EVL: variants seen among roughly 807,000 people sequenced by gnomAD.
EVL encodes the protein ena/VASP-like protein.
In EVL, 21 loss-of-function variants were observed where a neutral mutation model predicts 59.6. The observed-to-expected ratio is 0.35, with a 90% CI of 0.25 to 0.51. The LOEUF is 0.51. EVL is among the 20% of genes least tolerant of loss of function. The pLI is 0.97. For missense variants in EVL, 462 were observed against 546.6 expected, an observed-to-expected ratio of 0.85 and a Z score of 1.54; for synonymous variants, 198 against 203.5, an observed-to-expected ratio of 0.97 and a Z score of 0.23.
At chr14:100,143,079 G>A (rs1224301391) in intron 13 of EVL, among the ~76,000 whole-genome samples, 1 of 152,184 alleles carries the variant, frequency 6.6e-6, no homozygotes. Flanking sequence ...GGGGGAGTCC[G>A]GGAGGGGATG....
rs534651185 is a variant in EVL at position 100,114,014 on chromosome 14, C to T, written c.359-9525C>T. On this transcript the variant is annotated intron_variant, in intron 3 of 13. Coordinates refer to ENST00000392920, the MANE Select transcript of EVL (RefSeq NM_016337.3). This position sits in a 1 kb window ranked among gnomAD's most constrained non-coding sequence, Gnocchi z 5.0. ...CTGTAAGCAGACTCAGTGGGATAAGCGGAGGCAGAGAGGCCAGTTGGAGAC... is the reference window on the plus strand; with the variant it reads ...CTGTAAGCAGACTCAGTGGGATAAGTGGAGGCAGAGAGGCCAGTTGGAGAC... Among the ~76,000 whole-genome samples, 1 of 152,118 alleles carries T rather than the reference C, an allele frequency of 6.6e-6. No homozygotes were observed. Among genetic ancestry groups the T allele is most frequent in the Non-Finnish European group, 1.5e-5 (1 of 67,994 alleles).
intron 1 of EVL, among the ~76,000 whole-genome samples, chr14:100,053,452 T>G (rs1461776803): frequency 5.8e-5 from 1 of 17,362 alleles, no homozygotes; most frequent in Non-Finnish European, 1.3e-4. Flanking sequence ...GTCTGCAGCT[T>G]CCTTGTCTTT....
At chr14:100,112,797 C>T (rs907115480) in intron 3 of EVL, among the ~76,000 whole-genome samples, 1 of 152,234 alleles carries the variant, frequency 6.6e-6, no homozygotes, top group African/African-American at 2.4e-5. Flanking sequence ...TTTCTTCCTA[C>T]ATGTTGTGTC....
At chr14:100,080,718 G>A (rs117159730) in intron 1 of EVL, among the ~76,000 whole-genome samples, 4,388 of 152,278 alleles carry the variant, frequency 0.029, 91 homozygotes, top group Non-Finnish European at 0.042. Context: ...TATACCTACA[G>A]CTCAGAGATG....
At chr14:100,036,034 C>G (rs921638941) in intron 1 of EVL, among the ~76,000 whole-genome samples, 1 of 152,206 alleles carries the variant, frequency 6.6e-6, no homozygotes, top group African/African-American at 2.4e-5. Context: ...CTGTTAGGAA[C>G]CATTCCACAC....
At chr14:100,142,462 G>T (rs79850260) in intron 13 of EVL, among the ~76,000 whole-genome samples, 17,169 of 152,276 alleles carry the variant, frequency 0.11, 1,100 homozygotes, top group African/African-American at 0.16. Context: ...GTCTAGGGAC[G>T]AGCTATGCAG....
chr14:100,048,875 A>G (rs1439176884), intron 1 of EVL, among the ~76,000 whole-genome samples: 1 of 152,228 alleles, frequency 6.6e-6, no homozygotes, highest in Non-Finnish European at 1.5e-5. Flanking sequence ...TATTAACATG[A>G]CATTTTCCTA....
chr14:100,076,457 C>T (rs1375713575), intron 1 of EVL, among the ~76,000 whole-genome samples: 2 of 152,190 alleles, frequency 1.3e-5, no homozygotes, highest in Non-Finnish European at 2.9e-5. Context: ...GCCCTGGAGG[C>T]GTTCAGTGGT....
At chr14:100,131,885 C>G (rs1247349542) in intron 7 of EVL, among the ~76,000 whole-genome samples, 1 of 152,114 alleles carries the variant, frequency 6.6e-6, no homozygotes, top group Non-Finnish European at 1.5e-5. Flanking sequence ...GAGATGGGAG[C>G]TAAAGAAGGG....
At chr14:100,025,215 A>G (rs1292607610) in intron 1 of EVL, among the ~76,000 whole-genome samples, 6 of 152,154 alleles carry the variant, frequency 3.9e-5, no homozygotes, top group African/African-American at 1.4e-4. Context: ...GAGTGAGAGC[A>G]CAAGCTCCTT....
intron 2 of EVL, among the ~76,000 whole-genome samples, chr14:100,087,822 G>C (rs1168184749): frequency 6.6e-6 from 1 of 152,092 alleles, no homozygotes; most frequent in Non-Finnish European, 1.5e-5. Flanking sequence ...CAGAATGCTG[G>C]GACTGCATCT....
chr14:100,061,460 CAAAAAAAAAAAA>C (rs869039779), upstream of EVL, among the ~76,000 whole-genome samples: 19 of 64,586 alleles, frequency 2.9e-4, 1 homozygote, highest in African/African-American at 1.3e-3. Flanking sequence ...CCTCAGGCTG[CAAAAAAAAAAAA>C]AAAAAAAAAG....
At chr14:100,020,021 G>A (rs1040054022) in intron 1 of EVL, among the ~76,000 whole-genome samples, 1 of 152,154 alleles carries the variant, frequency 6.6e-6, no homozygotes, top group Admixed American at 6.5e-5. Flanking sequence ...TGAGTCTCTT[G>A]CTATCTTTTG....
intron 1 of EVL, among the ~76,000 whole-genome samples, chr14:100,070,399 C>CAGAG (rs1566996480): frequency 2.6e-5 from 4 of 152,204 alleles, no homozygotes; most frequent in Non-Finnish European, 5.9e-5. Flanking sequence ...CTAAACTTGT[C>CAGAG]CCAATTTGCA....
At chr14:99,991,942 ATTGT>A (rs1236349264) in intron 1 of EVL, among the ~76,000 whole-genome samples, 1 of 140,424 alleles carries the variant, frequency 7.1e-6, no homozygotes, top group Non-Finnish European at 1.5e-5. Context: ...TAACCCCTGC[ATTGT>A]TTGAGGGTCA....
At chr14:100,040,551 C>T (rs1433950004) in intron 1 of EVL, among the ~76,000 whole-genome samples, 4 of 152,182 alleles carry the variant, frequency 2.6e-5, no homozygotes, top group Non-Finnish European at 5.9e-5. Context: ...TCAGCAAACG[C>T]AGTTCAACCT....
At chr14:100,136,005 GA>G (rs758203553) in intron 9 of EVL, 37 bp downstream of exon 9, 2 of 1,609,670 alleles carry the variant, frequency 1.2e-6, no homozygotes, top group Admixed American at 3.3e-5. Context: ...AGTGAGGCAT[GA>G]GGTCTCAGAG....
chr14:100,021,383 C>T (rs1270104984), intron 1 of EVL, among the ~76,000 whole-genome samples: 1 of 152,122 alleles, frequency 6.6e-6, no homozygotes, highest in Non-Finnish European at 1.5e-5. Flanking sequence ...AGGGCTGTTA[C>T]CTCTTGCTTC....
chr14:100,121,358 A>G (rs1887686407), intron 3 of EVL, among the ~76,000 whole-genome samples: 1 of 152,194 alleles, frequency 6.6e-6, no homozygotes, highest in South Asian at 2.1e-4. Flanking sequence ...TGGGAACCTC[A>G]GGTCTGTCAC....
Sources: allele counts gnomAD v4.1 joint callset (sites outside exome capture counted in the v4.1 genomes callset), GRCh38; gene constraint gnomAD v4.1.1; non-coding constraint Gnocchi (gnomAD v3.1); transcripts MANE v1.5; gene names NCBI Gene and HGNC (gene_info 2026-07-23, HGNC 2026-07-21).